Variants in MYO7B observed in about 807,000 individuals in gnomAD.
MYO7B encodes the protein myosin VIIB, also known as unconventional myosin-VIIb.
Under a neutral mutation model 259.7 loss-of-function variants are expected in MYO7B, and 212 were observed. The ratio of observed to expected loss-of-function variants is 0.82; its 90% CI spans 0.73 to 0.91. The LOEUF (loss-of-function observed/expected upper bound fraction) is 0.91, where lower values mean the gene tolerates loss of function less well. MYO7B is among the 40% of genes least tolerant of loss of function. The pLI is 0.00. For missense variants in MYO7B, 2,732 were observed against 2,813.5 expected (o/e 0.97, Z 0.66); for synonymous variants, 1,197 against 1,166.4 (o/e 1.03, Z -0.54).
intron 34 of MYO7B, 118 bp from the exon 35 acceptor site, chr2:127,629,527 T>C (rs1681345693): frequency 2.0e-6 from 2 of 997,568 alleles, no homozygotes; most frequent in East Asian, 5.6e-5. Flanking sequence ...CTTGGAGTGG[T>C]CTTCTGCCCA....
chr2:127,634,811 C>G, intron 42 of MYO7B, 128 bp downstream of exon 42: 1 of 949,690 alleles, frequency 1.1e-6, no homozygotes, highest in Non-Finnish European at 1.6e-6. Context: ...GTTGTGGGAA[C>G]AACCAGGCCC....
rs778708653 is a variant in MYO7B at position 127,636,585 on chromosome 2, C to A, written c.6164C>A (p.Ala2055Asp). 1 of 1,612,932 alleles carries A rather than the reference C, an allele frequency of 6.2e-7. No homozygotes were observed. The highest frequency in any genetic ancestry group is 2.2e-5 in the East Asian group (1 of 44,824). ...EPSYPDVILI[A>D]INRHGVLLIH... ...TCCTACCCGGACGTCATCCTCATCG[C>A]CATCAACCGACATGGGGTTCTGCTC... The change falls in exon 46 of 48, where the codon GCC becomes GAC. Residue 2055 changes from alanine (A) to aspartate (D), a missense_variant. Transcript: ENST00000409816. The surrounding 1 kb of genome is among the most constrained non-coding windows in gnomAD (Gnocchi z 4.5).
chr2:127,584,088 A>C lies in MYO7B; in HGVS notation c.1344-34A>C, dbSNP rs1447298835. ...CTGCAGCGGGGACTCAGCTGGCCCC[A>C]CTCCACCCCTGGGCAGTGACCTTGC... On this transcript the variant is annotated intron_variant, in intron 12 of 47. Coordinates refer to ENST00000409816, the MANE Select transcript of MYO7B (RefSeq NM_001393586.1). This position sits in a 1 kb window ranked among gnomAD's most constrained non-coding sequence, Gnocchi z 5.8. 30 of 1,590,048 alleles carry C rather than the reference A, an allele frequency of 1.9e-5. No homozygotes were observed. The highest frequency in any genetic ancestry group is 2.6e-5 in the Non-Finnish European group (30 of 1,166,884).
chr2:127,632,499 G>A (rs1414866587), intron 39 of MYO7B, 98 bp downstream of exon 39: 4 of 1,409,110 alleles, frequency 2.8e-6, no homozygotes, highest in Admixed American at 2.5e-5. Flanking sequence ...ATGGTCCTGG[G>A]AGGACTCTCC....
intron 30 of MYO7B, among the ~76,000 whole-genome samples, chr2:127,624,929 T>C (rs1458763909): frequency 1.3e-5 from 2 of 152,122 alleles, no homozygotes; most frequent in Non-Finnish European, 2.9e-5. Context: ...GGAAGAGGCA[T>C]GGGCAGGGGG....
rs373505690 is a variant in MYO7B, at chr2:127,632,183, A to G, written c.5250-63A>G. ...CTCTCACATCCGTCCCTGCTCCCCA[A>G]GGTGCCTGCCTGGCCAGGGCCCCCT... On this transcript the variant is annotated intron_variant, in intron 38 of 47. Transcript: ENST00000409816. The G allele has an allele frequency of 1.5e-4, 229 of 1,542,720 alleles. 2 individuals carry two copies. In the African/African-American group the frequency reaches 2.4e-3, roughly 16 times the overall value.
intron 18 of MYO7B, among the ~76,000 whole-genome samples, chr2:127,594,033 C>G (rs1256643125): frequency 6.6e-6 from 1 of 152,222 alleles, no homozygotes; most frequent in African/African-American, 2.4e-5. Context: ...ATGCAGGCTT[C>G]CCTACACTGG....
chr2:127,540,945 G>C (rs549321582), intron 1 of MYO7B, among the ~76,000 whole-genome samples: 34 of 152,270 alleles, frequency 2.2e-4, no homozygotes, highest in African/African-American at 7.7e-4. Context: ...TTTCTCACAG[G>C]CTATCTCTAC....
At position 127,568,545 on chromosome 2, in the gene MYO7B, T is replaced by C. The variant is rs543662323; in HGVS notation, c.471-1244T>C. On this transcript the variant is annotated intron_variant, in intron 5 of 47. Coordinates refer to ENST00000409816, the MANE Select transcript of MYO7B (RefSeq NM_001393586.1). ...ACAGCTATCACTGGAGGTTTGTTGA[T>C]CTCACTCTGCTTTGCTGGCATAGTG... 2.0e-4 allele frequency among the ~76,000 whole-genome samples: 30 copies of C among 152,356 alleles called. No individual in the cohort carries two copies. In the South Asian group the frequency reaches 5.8e-3, roughly 29 times the overall value.
chr2:127,575,580 C>T (rs1342368321), intron 7 of MYO7B, among the ~76,000 whole-genome samples: 1 of 148,588 alleles, frequency 6.7e-6, no homozygotes, highest in Admixed American at 6.7e-5. Context: ...AAAAAAGAAA[C>T]AAAGAAAAGA....
Position 127,628,242 on chromosome 2 carries a change from G to A in MYO7B, c.4461-130G>A. The A allele has an allele frequency of 1.8e-6, 2 of 1,139,988 alleles. No individual in the cohort carries two copies. The highest frequency in any genetic ancestry group is 2.5e-6 in the Non-Finnish European group (2 of 786,222). The allele number at this position is 1,139,988 out of a possible 1,614,324, so 70.6% of individuals were successfully genotyped here. A position where few individuals can be genotyped will look rare whatever the true frequency, so the allele number is the denominator to read the frequency against. On this transcript the variant is annotated intron_variant, in intron 33 of 47. Coordinates refer to ENST00000409816, the MANE Select transcript of MYO7B (RefSeq NM_001393586.1). The surrounding 1 kb of genome is among the most constrained non-coding windows in gnomAD (Gnocchi z 4.8). ...CCACAGTGGTGTCTGGCCTAGTCCTGGCCCTGGCAGAGCAGCTCTGTGTCC... is the reference window on the plus strand; with the variant it reads ...CCACAGTGGTGTCTGGCCTAGTCCTAGCCCTGGCAGAGCAGCTCTGTGTCC...
At chr2:127,630,315 G>C (rs1203911131) in intron 35 of MYO7B, among the ~76,000 whole-genome samples, 3 of 152,216 alleles carry the variant, frequency 2.0e-5, no homozygotes, top group African/African-American at 7.2e-5. Context: ...ATGACACATG[G>C]ATGGCAACTG....
rs986634782 is a variant in MYO7B, at chr2:127,634,646, G to A, written c.5676G>A (p.Val1892=). 6.2e-7 allele frequency: 1 copy of A among 1,612,236 alleles called. No homozygotes were observed. The highest frequency in any genetic ancestry group is 8.5e-7 in the Non-Finnish European group (1 of 1,179,524). Residue 1892 remains valine, a synonymous_variant, in exon 42 of 48, where the codon GTG becomes GTA. Coordinates refer to ENST00000409816, the MANE Select transcript of MYO7B (RefSeq NM_001393586.1). ...TCTTCTTTGATTCCTTGAGGGAGGTGTCTGACTGGGTGAAGAAGAACAAGC... is the reference window on the plus strand; with the variant it reads ...TCTTCTTTGATTCCTTGAGGGAGGTATCTGACTGGGTGAAGAAGAACAAGC... ...GDFFFDSLRE[V]SDWVKKNKPQ... is the part of the protein sequence containing the mutation.
At chr2:127,632,141 C>T (rs1681548911) in intron 38 of MYO7B, 105 bp from the exon 39 acceptor site, 2 of 1,372,538 alleles carry the variant, frequency 1.5e-6, no homozygotes, top group Admixed American at 2.4e-5. Flanking sequence ...CCCTCGGGCC[C>T]TCTAGACCCC....
At chr2:127,602,380 G>A (rs2105008888) in intron 19 of MYO7B, among the ~76,000 whole-genome samples, 1 of 152,300 alleles carries the variant, frequency 6.6e-6, no homozygotes, top group South Asian at 2.1e-4. Flanking sequence ...AGGCACGGTG[G>A]CTCATACCTG....
chr2:127,589,480 G>A (rs1193480172), intron 15 of MYO7B, among the ~76,000 whole-genome samples: 1 of 151,168 alleles, frequency 6.6e-6, no homozygotes. Context: ...ACTTTGTGCT[G>A]GGTAGATGGT....
chr2:127,620,419 C>T lies in MYO7B; in HGVS notation c.3478C>T (p.Leu1160Phe), dbSNP rs767405106. 1.3e-5 allele frequency: 21 copies of T among 1,610,470 alleles called. No homozygotes were observed. In the African/African-American group the frequency reaches 2.7e-4, roughly 20 times the overall value. The change falls in exon 27 of 48, where the codon CTC (leucine) becomes TTC (phenylalanine). Residue 1160 changes from leucine (L) to phenylalanine (F), a missense_variant. By Grantham distance (22) the Leu-to-Phe change is conservative. Coordinates refer to ENST00000409816, the MANE Select transcript of MYO7B (RefSeq NM_001393586.1). ...CAGCCTGGCCCGGGGCTGGATCCTG[C>T]TCAGCCTCTGCCTCGGCTGCTTCCC... ...TSSLARGWIL[L>F]SLCLGCFPPS...
At chr2:127,589,023 G>GTGGA (rs1679430202) in intron 15 of MYO7B, among the ~76,000 whole-genome samples, 1 of 144,792 alleles carries the variant, frequency 6.9e-6, no homozygotes, top group African/African-American at 2.6e-5. Context: ...TGGGTGGTGG[G>GTGGA]TGGGTGGATG....
intron 1 of MYO7B, among the ~76,000 whole-genome samples, chr2:127,543,748 A>G (rs1201297775): frequency 3.3e-5 from 5 of 150,914 alleles, no homozygotes; most frequent in African/African-American, 1.2e-4. Flanking sequence ...CCATATATAT[A>G]TATATTTTTT....
Sources: gnomAD v4.1 joint callset for allele counts (sites outside exome capture counted in the v4.1 genomes callset) on GRCh38, gnomAD v4.1.1 for gene constraint, Gnocchi (gnomAD v3.1) non-coding constraint, MANE v1.5 for transcripts, NCBI Gene and HGNC (gene_info 2026-07-23, HGNC 2026-07-21) for gene names.